NFATC3: variants seen among roughly 807,000 people sequenced by gnomAD.
NFATC3 encodes nuclear factor of activated T-cells, cytoplasmic 3.
Under a neutral mutation model 98.6 loss-of-function variants are expected in NFATC3, and 46 were observed. The observed-to-expected ratio is 0.47, with a 90% confidence interval of 0.37 to 0.60. The LOEUF (loss-of-function observed/expected upper bound fraction) is 0.60, where lower values mean the gene tolerates loss of function less well. Ranked by LOEUF, NFATC3 falls within the 20% of genes least tolerant of loss-of-function variation. The pLI is 0.00. For synonymous variants in NFATC3, 512 were observed against 472.2 expected (o/e 1.08, Z -1.09); for missense variants, 1,256 against 1,295.5 (o/e 0.97, Z 0.47).
chr16:68,208,978 T>G (rs892686097), intron 9 of NFATC3, among the ~76,000 whole-genome samples: 1 of 152,184 alleles, frequency 6.6e-6, no homozygotes, highest in African/African-American at 2.4e-5. Context: ...CTTTATGTAT[T>G]TATTTATTTT....
intron 6 of NFATC3, among the ~76,000 whole-genome samples, chr16:68,175,012 GA>G (rs1444892166): frequency 6.6e-6 from 1 of 152,110 alleles, no homozygotes; most frequent in Non-Finnish European, 1.5e-5. Flanking sequence ...CCAAAAAATG[GA>G]AACAACCTAA....
At chr16:68,224,227 A>C (rs1008353858) in intron 9 of NFATC3, among the ~76,000 whole-genome samples, 4 of 147,070 alleles carry the variant, frequency 2.7e-5, no homozygotes, top group African/African-American at 1.0e-4. Context: ...TCAAGTCCCT[A>C]CTTCTTTACT....
At chr16:68,086,052 C>G in intron 1 of NFATC3, 2 of 381,986 alleles carry the variant, frequency 5.2e-6, no homozygotes, top group Non-Finnish European at 9.4e-6. Context: ...GCCCAGGGTC[C>G]GGGCTGCTGC....
Position 68,191,622 on chromosome 16 carries a change from G to T in NFATC3, c.2953G>T (p.Gly985Cys), listed in dbSNP as rs564615486. 2 of 1,614,070 alleles carry T rather than the reference G, an allele frequency of 1.2e-6. No individual in the cohort carries two copies. The highest frequency in any genetic ancestry group is 1.7e-5 in the Admixed American group (1 of 59,994). The change falls in exon 9 of 10, where the codon GGT becomes TGT. Residue 985 changes from glycine (G) to cysteine (C), a missense_variant. Gly to Cys is a radical substitution (Grantham distance 159, BLOSUM62 -3). Transcript: ENST00000346183. ...STQAQSTGQGGLSAPSSLICH... is the reference protein window; with the variant it reads ...STQAQSTGQGCLSAPSSLICH... Reference sequence around the variant, plus strand: ...TCAAGCACAAAGTACGGGCCAGGGGGGTCTTTCTGCACCTTCATCCTTAAT... The same window carrying T: ...TCAAGCACAAAGTACGGGCCAGGGGTGTCTTTCTGCACCTTCATCCTTAAT...
intron 3 of NFATC3, among the ~76,000 whole-genome samples, chr16:68,151,139 A>T (rs1374017139): frequency 6.6e-6 from 1 of 151,950 alleles, no homozygotes; most frequent in African/African-American, 2.4e-5. Context: ...AGGACGTTTG[A>T]GTCAAGGAGT....
In NFATC3 at chr16:68,174,400, C is replaced by T. The variant is rs766452730; in HGVS notation, c.1801C>T (p.His601Tyr). Residue 601 changes from histidine (H) to tyrosine (Y), a missense_variant, in exon 6 of 10, where the codon CAT (histidine) becomes TAT (tyrosine). By Grantham distance (83) the His-to-Tyr change is moderately conservative (BLOSUM62 2). Around this residue, in one of 3 missense-constraint regions of NFATC3, gnomAD observed 636 missense variants for 617.3 expected, o/e 1.03. Transcript: ENST00000346183. ...CSQRSAQELP[H>Y]IEKYSINSCS... is the part of the protein sequence containing the mutation. Reference sequence around the variant, plus strand: ...CCAGCGGTCTGCTCAAGAACTTCCTCATATTGAGAAGTACAGTATCAACAG... The same window carrying T: ...CCAGCGGTCTGCTCAAGAACTTCCTTATATTGAGAAGTACAGTATCAACAG... 3.2e-5 allele frequency: 49 copies of T among 1,553,612 alleles called. No individual in the cohort carries two copies. Among genetic ancestry groups the T allele is most frequent in the Non-Finnish European group, 4.0e-5 (46 of 1,151,616 alleles).
intron 9 of NFATC3, among the ~76,000 whole-genome samples, chr16:68,199,333 C>CT: frequency 6.7e-6 from 1 of 148,806 alleles, no homozygotes; most frequent in South Asian, 2.1e-4. Context: ...ACGCCATTCT[C>CT]CTGCCTCAGC....
Position 68,202,685 on chromosome 16 carries a change from A to G in NFATC3, c.3106+10910A>G, listed in dbSNP as rs929646463. ...AAATTAGCTGGGCGTGGTGGTGGAC[A>G]CCTATAATCCCAGCTACTCGGGAGG... On this transcript the variant is annotated intron_variant, in intron 9 of 9. Coordinates refer to ENST00000346183, the MANE Select transcript of NFATC3 (RefSeq NM_173165.3). Among the ~76,000 whole-genome samples, 9 of 151,942 alleles carry G rather than the reference A, an allele frequency of 5.9e-5. No homozygotes were observed. The East Asian group carries it at 1.5e-3, about 26-fold the overall frequency.
intron 1 of NFATC3, among the ~76,000 whole-genome samples, chr16:68,110,475 A>AT (rs532128341): frequency 2.7e-5 from 4 of 150,290 alleles, no homozygotes; most frequent in East Asian, 2.0e-4. Context: ...CACCCGGCTA[A>AT]TTTTTTTTGT....
At chr16:68,214,495 C>G in intron 9 of NFATC3, 1 of 1,432,278 alleles carries the variant, frequency 7.0e-7, no homozygotes. Flanking sequence ...CATGCAGTGG[C>G]TGGATTTGCA....
chr16:68,214,524 G>A (rs1321597642), intron 9 of NFATC3: 5 of 998,476 alleles, frequency 5.0e-6, no homozygotes, highest in African/African-American at 4.8e-5. Context: ...AGAGGAGGGG[G>A]TATGCACGGG....
chr16:68,187,732 G>A (rs1311127218), intron 8 of NFATC3, among the ~76,000 whole-genome samples: 2 of 152,146 alleles, frequency 1.3e-5, no homozygotes, highest in Non-Finnish European at 2.9e-5. Context: ...ATGAGTCCAG[G>A]TTTTATATGG....
At chr16:68,203,220 A>AT (rs772362835) in intron 9 of NFATC3, among the ~76,000 whole-genome samples, 1 of 152,156 alleles carries the variant, frequency 6.6e-6, no homozygotes, top group Non-Finnish European at 1.5e-5. Flanking sequence ...ATTTGAGAAG[A>AT]TTTTTTATTT....
At chr16:68,213,199 A>G (rs1283711832) in intron 9 of NFATC3, among the ~76,000 whole-genome samples, 2 of 148,746 alleles carry the variant, frequency 1.3e-5, no homozygotes, top group African/African-American at 4.9e-5. Flanking sequence ...GTGGATCACA[A>G]GGTCAGGAGA....
chr16:68,126,325 A>G, intron 2 of NFATC3, 123 bp from the exon 3 acceptor site: 3 of 814,916 alleles, frequency 3.7e-6, no homozygotes, highest in Non-Finnish European at 5.6e-6. Context: ...ATGAAGTTTT[A>G]TTTTGTAATA....
intron 6 of NFATC3, among the ~76,000 whole-genome samples, chr16:68,180,969 G>C (rs1641211058): frequency 6.6e-6 from 1 of 152,168 alleles, no homozygotes; most frequent in South Asian, 2.1e-4. Context: ...AAACATATGT[G>C]TGCATGTGTC....
intron 5 of NFATC3, among the ~76,000 whole-genome samples, chr16:68,169,230 A>G (rs1451181040): frequency 2.0e-5 from 3 of 152,334 alleles, no homozygotes; most frequent in South Asian, 2.1e-4. Flanking sequence ...AGAGGGTTCT[A>G]TGCCCAGGTA....
At chr16:68,106,826 A>G (rs560411567) in intron 1 of NFATC3, among the ~76,000 whole-genome samples, 1 of 151,930 alleles carries the variant, frequency 6.6e-6, no homozygotes, top group Admixed American at 6.6e-5. Context: ...AATGTGTGCC[A>G]TGGTAGTTTG....
At chr16:68,209,438 C>T in intron 9 of NFATC3, 1 of 172,998 alleles carries the variant, frequency 5.8e-6, no homozygotes. Flanking sequence ...ATTCAAGATT[C>T]AGCTTCACCC....
Sources: gnomAD v4.1 joint callset for allele counts (sites outside exome capture counted in the v4.1 genomes callset) on GRCh38, gnomAD v4.1.1 for gene constraint, gnomAD v4.1.1 regional missense constraint, MANE v1.5 for transcripts, NCBI Gene and HGNC (gene_info 2026-07-23, HGNC 2026-07-21) for gene names.